The following IL1RAPL1 variants were observed in gnomAD, a reference collection of about 807,000 sequenced individuals.
IL1RAPL1 encodes interleukin 1 receptor accessory protein like 1.
IL1RAPL1 carries 3 observed loss-of-function variants against 48.4 expected under a neutral mutation model. That is an observed-to-expected ratio of 0.06 (90% CI 0.03 to 0.16). The LOEUF (loss-of-function observed/expected upper bound fraction) is 0.16. Ranked by LOEUF, IL1RAPL1 falls within the 10% of genes least tolerant of loss-of-function variation. The pLI, the probability that IL1RAPL1 is intolerant of heterozygous loss-of-function variation, is 1.00. For missense variants in IL1RAPL1, 349 were observed against 530.6 expected, an observed-to-expected ratio of 0.66 and a Z score of 3.36; for synonymous variants, 185 against 187.7, an observed-to-expected ratio of 0.99 and a Z score of 0.12.
chrX:28,987,946 CTA>C (rs1238000646), intron 2 of IL1RAPL1, among the ~76,000 whole-genome samples: 1 of 111,760 alleles, frequency 8.9e-6, no homozygotes. Context: ...CTTCAAAGGG[CTA>C]TATTGCAGCA....
intron 5 of IL1RAPL1, among the ~76,000 whole-genome samples, chrX:29,481,514 G>A (rs942339965): frequency 3.6e-5 from 4 of 112,495 alleles, no homozygotes; most frequent in Non-Finnish European, 7.5e-5. Context: ...GCTGAAATGA[G>A]GTGCTGGTGT....
At chrX:29,937,036 C>G (rs768554154) in intron 8 of IL1RAPL1, among the ~76,000 whole-genome samples, 26 of 111,517 alleles carry the variant, frequency 2.3e-4, no homozygotes, top group Non-Finnish European at 4.3e-4. Context: ...ACTAAATGAT[C>G]GCTGGGGCCC....
chrX:29,240,224 ATTT>A (rs55639151), intron 2 of IL1RAPL1, among the ~76,000 whole-genome samples: 11 of 13,338 alleles, frequency 8.2e-4, no homozygotes, highest in African/African-American at 2.0e-3. Context: ...ATATATATAT[ATTT>A]TTTTTTTTTT....
At chrX:29,897,833 G>GTGTT (rs980702136) in intron 6 of IL1RAPL1, among the ~76,000 whole-genome samples, 3 of 111,741 alleles carry the variant, frequency 2.7e-5, no homozygotes, top group Non-Finnish European at 3.8e-5. Flanking sequence ...TTAGGGAAAG[G>GTGTT]TGTTTCTCCA....
chrX:28,862,886 AT>A (rs71997063), intron 2 of IL1RAPL1, among the ~76,000 whole-genome samples: 119 of 103,044 alleles, frequency 1.2e-3, no homozygotes, highest in South Asian at 2.6e-3. Flanking sequence ...AAATTATGCC[AT>A]TTTTTTTTTT....
At chrX:29,271,704 A>G (rs1452865444) in intron 2 of IL1RAPL1, among the ~76,000 whole-genome samples, 1 of 111,239 alleles carries the variant, frequency 9.0e-6, no homozygotes, top group Non-Finnish European at 1.9e-5. Context: ...CCAGTTTTGA[A>G]TGCTGTTGTT....
chrX:29,345,988 A>AGTTG (rs1206496461), intron 3 of IL1RAPL1, among the ~76,000 whole-genome samples: 1 of 112,022 alleles, frequency 8.9e-6, no homozygotes, highest in Non-Finnish European at 1.9e-5. Flanking sequence ...TCTGGCTTTG[A>AGTTG]GTTGTCACTA....
At chrX:29,333,187 G>A (rs1473230623) in intron 3 of IL1RAPL1, among the ~76,000 whole-genome samples, 1 of 107,096 alleles carries the variant, frequency 9.3e-6, no homozygotes, top group Non-Finnish European at 2.0e-5. Flanking sequence ...CGGGGTCGTG[G>A]CCGGGCAGAG....
At position 29,801,012 on chromosome X, in the gene IL1RAPL1, A is replaced by C. The variant is rs867614934; in HGVS notation, c.779-116452A>C. Among the ~76,000 whole-genome samples, 121 of 72,437 alleles carry C rather than the reference A, an allele frequency of 1.7e-3. 4 individuals are homozygous for C. Among genetic ancestry groups the C allele is most frequent in the African/African-American group, 6.2e-3 (113 of 18,329 alleles). 62.9% of individuals were successfully genotyped at this position (72,437 alleles called of 115,157 possible). A position where few individuals can be genotyped will look rare whatever the true frequency, so the allele number is the denominator to read the frequency against. On this transcript the variant is annotated intron_variant, in intron 6 of 10. Transcript: ENST00000378993. ...CGAAACTCCGTCTCAAAAAAAAAAA[A>C]AAAAAAAAAAAAAAAAAAAAAACTC...
intron 2 of IL1RAPL1, among the ~76,000 whole-genome samples, chrX:29,246,162 T>TC (rs1393440662): frequency 9.9e-6 from 1 of 101,446 alleles, no homozygotes; most frequent in Non-Finnish European, 2.0e-5. Context: ...TTTTTTTTTT[T>TC]TTTTTTTTTT....
At chrX:29,484,009 A>ATT in intron 5 of IL1RAPL1, among the ~76,000 whole-genome samples, 1 of 105,122 alleles carries the variant, frequency 9.5e-6, no homozygotes, top group South Asian at 4.3e-4. Flanking sequence ...TCCATTAAAA[A>ATT]AAAAAAAAAA....
At chrX:28,944,130 T>C (rs902697468) in intron 2 of IL1RAPL1, among the ~76,000 whole-genome samples, 30 of 110,823 alleles carry the variant, frequency 2.7e-4, no homozygotes, top group Non-Finnish European at 5.5e-4. Context: ...TGTTTTTATA[T>C]TTATTATGGG....
intron 2 of IL1RAPL1, among the ~76,000 whole-genome samples, chrX:28,829,479 A>G (rs187023392): frequency 1.8e-5 from 2 of 110,712 alleles, no homozygotes; most frequent in African/African-American, 6.6e-5. Flanking sequence ...TGGTTTTATC[A>G]TAGATGCCCT....
rs745505916 is a variant in IL1RAPL1 at position 29,283,252 on chromosome X, A to G, written c.362+35A>G. The G allele has an allele frequency of 3.4e-6, 4 of 1,179,399 alleles. No individual in the cohort carries two copies. The African/African-American group carries it at 7.1e-5, about 21-fold the overall frequency. Reference sequence around the variant, plus strand: ...TAATTCTATTACTGCTGAATCAAAGAAAGCACAGGCTGCTTTCTCGTACTT... The same window carrying G: ...TAATTCTATTACTGCTGAATCAAAGGAAGCACAGGCTGCTTTCTCGTACTT... On this transcript the variant is annotated intron_variant, in intron 3 of 10. Transcript: ENST00000378993.
intron 3 of IL1RAPL1, among the ~76,000 whole-genome samples, chrX:29,311,593 G>A (rs1310526807): frequency 8.9e-6 from 1 of 112,134 alleles, no homozygotes; most frequent in African/African-American, 3.2e-5. Context: ...TGTGACTAAT[G>A]CAACTGAATA....
chrX:29,420,905 T>A (rs1934282814), intron 5 of IL1RAPL1, among the ~76,000 whole-genome samples: 1 of 111,941 alleles, frequency 8.9e-6, no homozygotes, highest in South Asian at 3.7e-4. Context: ...GTAATAATCC[T>A]AATGAGCCAT....
intron 2 of IL1RAPL1, among the ~76,000 whole-genome samples, chrX:29,119,520 A>T (rs1928740236): frequency 8.9e-6 from 1 of 112,076 alleles, no homozygotes; most frequent in Admixed American, 9.5e-5. Context: ...CAGACAACTG[A>T]GGTCACAGGG....
intron 1 of IL1RAPL1, among the ~76,000 whole-genome samples, chrX:28,721,570 T>G (rs1474942193): frequency 9.0e-6 from 1 of 111,340 alleles, no homozygotes; most frequent in African/African-American, 3.3e-5. Context: ...TGGTAGTTTC[T>G]TTTGCTGTGC....
At chrX:28,925,348 A>G (rs2521807) in intron 2 of IL1RAPL1, among the ~76,000 whole-genome samples, 47,446 of 110,567 alleles carry the variant, frequency 0.43, 7,537 homozygotes, top group East Asian at 0.71. Flanking sequence ...TTCGTGATAC[A>G]TGACCGTACT....
Sources: gnomAD v4.1 joint callset for allele counts (sites outside exome capture counted in the v4.1 genomes callset) on GRCh38, gnomAD v4.1.1 for gene constraint, MANE v1.5 for transcripts, NCBI Gene and HGNC (gene_info 2026-07-23, HGNC 2026-07-21) for gene names.